The following JHY variants were observed in gnomAD, a reference collection of about 807,000 sequenced individuals.
JHY encodes junctional cadherin complex regulator.
In JHY, 69 loss-of-function variants were observed where a neutral mutation model predicts 78.0. The ratio of observed to expected loss-of-function variants is 0.88; its 90% CI spans 0.73 to 1.08. The LOEUF (loss-of-function observed/expected upper bound fraction) is 1.08, where lower values mean the gene tolerates loss of function less well. JHY is among the 50% of genes least tolerant of loss of function. JHY has a pLI of 0.00. For missense variants in JHY, 944 were observed against 927.8 expected (o/e 1.02, Z -0.23); for synonymous variants, 368 against 342.6 (o/e 1.07, Z -0.82).
chr11:122,955,114 T>TTTG (rs150751220), intron 6 of JHY, among the ~76,000 whole-genome samples: 173 of 151,784 alleles, frequency 1.1e-3, no homozygotes, highest in Non-Finnish European at 1.9e-3. Context: ...AACTTCAGGG[T>TTTG]TTGTTGTTGT....
intron 2 of JHY, among the ~76,000 whole-genome samples, chr11:122,887,835 G>C (rs540029978): frequency 6.6e-6 from 1 of 152,098 alleles, no homozygotes; most frequent in African/African-American, 2.4e-5. Context: ...GATTATAAGG[G>C]GGCCTTAAAA....
In JHY at chr11:122,885,957, T is replaced by A. The variant is rs1374778298; in HGVS notation, c.108T>A (p.His36Gln). 6.2e-7 allele frequency: 1 copy of A among 1,614,022 alleles called. No individual in the cohort carries two copies. Among genetic ancestry groups the A allele is most frequent in the Non-Finnish European group, 8.5e-7 (1 of 1,180,022 alleles). Reference sequence around the variant, plus strand: ...CACCTTTGAAGAAAGAAGACTTACATCGGATTTCAAAAGACTCCTTGGAAT... The same window carrying A: ...CACCTTTGAAGAAAGAAGACTTACAACGGATTTCAAAAGACTCCTTGGAAT... Reference protein sequence around the residue: ...THPPLKKEDLHRISKDSLESD... With the variant: ...THPPLKKEDLQRISKDSLESD... The change falls in exon 2 of 9, where the codon CAT becomes CAA. Residue 36 changes from histidine (H) to glutamine (Q), a missense_variant. Coordinates refer to ENST00000227349, the MANE Select transcript of JHY (RefSeq NM_024806.4).
intron 5 of JHY, among the ~76,000 whole-genome samples, chr11:122,944,391 T>C (rs1463089317): frequency 6.6e-6 from 1 of 152,218 alleles, no homozygotes; most frequent in Admixed American, 6.5e-5. Flanking sequence ...ATATATTCTC[T>C]TTATATTCTT....
At position 122,934,792 on chromosome 11, in the gene JHY, A is replaced by G; in HGVS notation, c.1351A>G (p.Lys451Glu). 1 of 1,614,198 alleles carries G rather than the reference A, an allele frequency of 6.2e-7. No individual in the cohort carries two copies. Among genetic ancestry groups the G allele is most frequent in the Non-Finnish European group, 8.5e-7 (1 of 1,180,030 alleles). The change falls in exon 5 of 9, where the codon AAG becomes GAG. Residue 451 changes from lysine (K) to glutamate (E), a missense_variant. Transcript: ENST00000227349. ...TFAPPKQAFD[K>E]VLSKNSTGCD... ...TGCTCCACCAAAACAGGCTTTTGACAAGGTCTTATCTAAAAACTCTACTGG... is the reference window on the plus strand; with the variant it reads ...TGCTCCACCAAAACAGGCTTTTGACGAGGTCTTATCTAAAAACTCTACTGG...
intron 2 of JHY, among the ~76,000 whole-genome samples, chr11:122,887,316 T>C (rs1862516028): frequency 6.6e-6 from 1 of 152,172 alleles, no homozygotes; most frequent in African/African-American, 2.4e-5. Context: ...AATTATATCG[T>C]GTTAGTTTTT....
chr11:122,904,447 A>C lies in JHY; in HGVS notation c.864+3A>C. 6.2e-7 allele frequency: 1 copy of C among 1,603,650 alleles called. No individual in the cohort carries two copies. The highest frequency in any genetic ancestry group is 1.1e-5 in the South Asian group (1 of 90,304). On this transcript the variant is annotated splice_donor_region_variant and intron_variant, in intron 3 of 8. Coordinates refer to ENST00000227349, the MANE Select transcript of JHY (RefSeq NM_024806.4). ...GAGGGGAATCTCATCCAGAACAGGT[A>C]CGTAGTGGCTACTTTAAAATGTCTT...
At chr11:122,948,690 G>A (rs1205382950) in intron 6 of JHY, among the ~76,000 whole-genome samples, 3 of 152,088 alleles carry the variant, frequency 2.0e-5, no homozygotes, top group African/African-American at 7.2e-5. Context: ...GGAGCACAGA[G>A]GAACGTAAAG....
At chr11:122,928,567 A>AG (rs987545517) in intron 4 of JHY, among the ~76,000 whole-genome samples, 1 of 151,142 alleles carries the variant, frequency 6.6e-6, no homozygotes, top group African/African-American at 2.4e-5. Flanking sequence ...AAAAAAAAAA[A>AG]CAAGCAAACA....
rs762913771 is a variant in JHY, at chr11:122,924,963, G to A, written c.931G>A (p.Ala311Thr). ...GAATGCCAAGGAAATGGAAAATGCT[G>A]CCATCGATCCTGAAGATAAATGGCA... Reference protein sequence around the residue: ...IQNAKEMENAAIDPEDKWHQR... With the variant: ...IQNAKEMENATIDPEDKWHQR... The change falls in exon 4 of 9, where the codon GCC (alanine) becomes ACC (threonine). Residue 311 changes from alanine to threonine, a missense_variant. By Grantham distance (58) the Ala-to-Thr change is moderately conservative. Transcript: ENST00000227349. 3 of 1,614,094 alleles carry A rather than the reference G, an allele frequency of 1.9e-6. No homozygotes were observed. The highest frequency in any genetic ancestry group is 2.5e-6 in the Non-Finnish European group (3 of 1,179,980).
In JHY at chr11:122,904,187, G is replaced by T; in HGVS notation, c.607G>T (p.Gly203Cys). ...SEFLSPNYEH[G>C]ARRSKPFSEL... ...ATTTTTAAGCCCAAACTATGAGCAT[G>T]GTGCCCGTCGCAGCAAGCCGTTTTC... The change falls in exon 3 of 9, where the codon GGT becomes TGT. Residue 203 changes from glycine to cysteine, a missense_variant. Transcript: ENST00000227349. The T allele has an allele frequency of 6.2e-7, 1 of 1,614,182 alleles. No homozygotes were observed. Among genetic ancestry groups the T allele is most frequent in the South Asian group, 1.1e-5 (1 of 91,084 alleles).
At chr11:122,932,191 A>G (rs535696522) in intron 4 of JHY, among the ~76,000 whole-genome samples, 6 of 152,180 alleles carry the variant, frequency 3.9e-5, no homozygotes, top group Non-Finnish European at 7.4e-5. Context: ...AGGGTAATAA[A>G]TCTTCAGTAA....
chr11:122,905,020 G>GT (rs201651182), intron 3 of JHY: 13,695 of 592,744 alleles, frequency 0.023, 3 homozygotes, highest in South Asian at 0.032. Context: ...CATAAGGTGG[G>GT]TTTTTTTTTT....
Position 122,904,076 on chromosome 11 carries a change from T to C in JHY, c.496T>C (p.Ser166Pro), listed in dbSNP as rs1862924464. The change falls in exon 3 of 9, where the codon TCC (serine) becomes CCC (proline). Residue 166 changes from serine to proline, a missense_variant. Transcript: ENST00000227349. ...TCTGCCTTTGGCTCCCCTCTACCCT[T>C]CCCAGGAGACGTCAATGGAACTCTC... ...ENLPLAPLYP[S>P]QETSMELSGG... The C allele has an allele frequency of 6.2e-7, 1 of 1,614,074 alleles. No individual in the cohort carries two copies. The highest frequency in any genetic ancestry group is 2.2e-5 in the East Asian group (1 of 44,886).
chr11:122,932,548 C>T (rs1465612894), intron 4 of JHY, among the ~76,000 whole-genome samples: 2 of 152,128 alleles, frequency 1.3e-5, no homozygotes, highest in African/African-American at 4.8e-5. Flanking sequence ...TAGATGGCAG[C>T]ATCCTGGTTA....
chr11:122,896,847 GGTTTGTTT>G (rs112894471), intron 2 of JHY, among the ~76,000 whole-genome samples: 7 of 152,058 alleles, frequency 4.6e-5, no homozygotes, highest in Middle Eastern at 3.4e-3. Flanking sequence ...GCATTTAGAT[GGTTTGTTT>G]GTTTGTTTGT....
intron 4 of JHY, among the ~76,000 whole-genome samples, chr11:122,927,734 T>A (rs1863539791): frequency 1.1e-5 from 1 of 91,274 alleles, no homozygotes; most frequent in Admixed American, 1.0e-4. Context: ...TTCTTTTTTC[T>A]TTTTTTTTTT....
intron 8 of JHY, 96 bp downstream of exon 8, chr11:122,957,587 G>A: frequency 8.3e-7 from 1 of 1,204,464 alleles, no homozygotes; most frequent in Non-Finnish European, 1.1e-6. Context: ...TAGCCACAGA[G>A]TCTTGCCGTC....
chr11:122,942,714 G>A (rs1028242534), intron 5 of JHY, among the ~76,000 whole-genome samples: 5 of 152,150 alleles, frequency 3.3e-5, no homozygotes, highest in South Asian at 2.1e-4. Context: ...ATGAGCCAAC[G>A]TGCCCAGCCC....
At chr11:122,959,150 G>T in intron 8 of JHY, 98 bp from the exon 9 acceptor site, 1 of 1,420,222 alleles carries the variant, frequency 7.0e-7, no homozygotes, top group Non-Finnish European at 9.5e-7. Context: ...TATAGTGATA[G>T]TCTCCATTTA....
Sources: allele counts gnomAD v4.1 joint callset (sites outside exome capture counted in the v4.1 genomes callset), GRCh38; gene constraint gnomAD v4.1.1; transcripts MANE v1.5; gene names NCBI Gene and HGNC (gene_info 2026-07-23, HGNC 2026-07-21).